Variants in BAG6 observed in about 807,000 individuals in gnomAD.
BAG6 encodes the protein large proline-rich protein BAG6.
In BAG6, 22 loss-of-function variants were observed where a neutral mutation model predicts 121.0. The ratio of observed to expected loss-of-function variants is 0.18; its 90% CI spans 0.13 to 0.26. BAG6 has a LOEUF of 0.26. Among genes scored for constraint, BAG6 ranks in the 10% least tolerant of loss-of-function variants. The pLI is 1.00. For missense variants in BAG6, 1,233 were observed against 1,537.7 expected (o/e 0.80, Z 3.31); for synonymous variants, 583 against 584.6 (o/e 1.00, Z 0.04).
At position 31,639,327 on chromosome 6, in the gene BAG6, C is replaced by G. The variant is rs142266492; in HGVS notation, c.3394-101G>C. ...CCTCAGAAGCTAACATTTCCCCCCC[C>G]AAGCACACTGTCAAATAGCCCGGGG... is the stretch of plus-strand genomic sequence containing the variant. On this transcript the variant is annotated intron_variant, in intron 25 of 25. Transcript: ENST00000676615. 447 of 1,452,666 alleles carry G rather than the reference C, an allele frequency of 3.1e-4. 1 individual carries two copies. In the African/African-American group the frequency reaches 3.9e-3, roughly 13 times the overall value. 90.0% of individuals were successfully genotyped at this position (1,452,666 alleles called of 1,614,324 possible).
rs1403305013 is a variant in BAG6 at position 31,644,265 on chromosome 6, G to T, written c.1555+42C>A. ...CCCTTGCCAGCCAGCTGCCACCATGGACTGTGCCCTACCTCCCAAGCCTCC... is the reference window on the plus strand; with the variant it reads ...CCCTTGCCAGCCAGCTGCCACCATGTACTGTGCCCTACCTCCCAAGCCTCC... On this transcript the variant is annotated intron_variant, in intron 12 of 25. Transcript: ENST00000676615. This position sits in a 1 kb window ranked among gnomAD's most constrained non-coding sequence, Gnocchi z 4.9. 3 of 1,560,932 alleles carry T rather than the reference G, an allele frequency of 1.9e-6. No individual in the cohort carries two copies. The Admixed American group carries it at 5.8e-5, about 30-fold the overall frequency.
In BAG6 at chr6:31,645,121, G is replaced by A; in HGVS notation, c.1194C>T (p.Pro398=). 1 of 1,613,068 alleles carries A rather than the reference G, an allele frequency of 6.2e-7. No homozygotes were observed. Among genetic ancestry groups the A allele is most frequent in the Non-Finnish European group, 8.5e-7 (1 of 1,180,022 alleles). Residue 398 remains proline, a synonymous_variant, in exon 10 of 26, where the codon CCC becomes CCT. Transcript: ENST00000676615. ...PPPTPNAEAP[P]PGPGQASSVA... is the part of the protein sequence containing the mutation. The stretch of plus-strand genomic sequence containing the variant: ...CGGATGAGGCCTGCCCAGGACCAGG[G>A]GGAGGTGCCTCTGCATTGGGAGTTG...
At position 31,642,211 on chromosome 6, in the gene BAG6, G is replaced by A. The variant is rs1405228289; in HGVS notation, c.2236C>T (p.Leu746=). Residue 746 remains leucine, a synonymous_variant, in exon 16 of 26, where the codon CTG becomes TTG. Coordinates refer to ENST00000676615, the MANE Select transcript of BAG6 (RefSeq NM_001387994.1). ...TCACTGCTGCCAGCCCGAGCCCCCA[G>A]GGAGCCCAGCAGGGAGCTGAGCACA... is the stretch of plus-strand genomic sequence containing the variant. ...QGVLSSLLGS[L]GARAGSSESI... The A allele has an allele frequency of 6.2e-7, 1 of 1,612,884 alleles. No homozygotes were observed. Among genetic ancestry groups the A allele is most frequent in the Admixed American group, 1.7e-5 (1 of 60,010 alleles).
rs762921548 is a variant in BAG6 at position 31,651,731 on chromosome 6, C to T, written c.33G>A (p.Val11=). 1.2e-6 allele frequency: 2 copies of T among 1,613,028 alleles called. No homozygotes were observed. The highest frequency in any genetic ancestry group is 2.2e-5 in the South Asian group (2 of 91,086). ...ACACCTCCAAGCTGTCAGGCTCCTC[C>T]ACAGCGGTACTGGTACTATCATTAG... MEPNDSTSTA[V]EEPDSLEVLV... Residue 11 remains valine (V), a synonymous_variant, in exon 2 of 26, where the codon GTG becomes GTA. Coordinates refer to ENST00000676615, the MANE Select transcript of BAG6 (RefSeq NM_001387994.1).
chr6:31,642,526 C>G (rs866126445), intron 15 of BAG6, 123 bp from the exon 16 acceptor site: 5 of 639,872 alleles, frequency 7.8e-6, no homozygotes, highest in African/African-American at 5.5e-5. Flanking sequence ...ACATTCTGAT[C>G]TTCACTGCTT....
chr6:31,641,375 C>A lies in BAG6; in HGVS notation c.2607G>T (p.Leu869=). 1 of 1,614,248 alleles carries A rather than the reference C, an allele frequency of 6.2e-7. No homozygotes were observed. Among genetic ancestry groups the A allele is most frequent in the South Asian group, 1.1e-5 (1 of 91,088 alleles). Reference sequence around the variant, plus strand: ...TATTAAACTGCTCTTGGAGAAATTCCAGGTTTGTCCGGATGATGTCCACAC... The same window carrying A: ...TATTAAACTGCTCTTGGAGAAATTCAAGGTTTGTCCGGATGATGTCCACAC... The part of the protein sequence containing the change: ...QPGVDIIRTN[L]EFLQEQFNSI... The change falls in exon 19 of 26, where the codon CTG becomes CTT. Residue 869 remains leucine (L), a synonymous_variant. Coordinates refer to ENST00000676615, the MANE Select transcript of BAG6 (RefSeq NM_001387994.1). The surrounding 1 kb of genome is among the most constrained non-coding windows in gnomAD (Gnocchi z 5.7).
chr6:31,646,519 G>A lies in BAG6; in HGVS notation c.793C>T (p.Pro265Ser), dbSNP rs779831144. ...ACCTCGACATACTCCGCAGGGGAAG[G>A]ATGGCTGTGGACAAACCCAAGGGGC... is the stretch of plus-strand genomic sequence containing the variant. The part of the protein sequence containing the change: ...PAPETNAPNH[P>S]SPAEYVEVLQ... Residue 265 changes from proline to serine, a missense_variant, in exon 8 of 26, where the codon CCT becomes TCT. Pro to Ser is a moderately conservative substitution (Grantham distance 74). Around this residue, in one of 7 missense-constraint regions of BAG6, gnomAD observed 777 missense variants for 861.4 expected, o/e 0.90. Coordinates refer to ENST00000676615, the MANE Select transcript of BAG6 (RefSeq NM_001387994.1). The A allele has an allele frequency of 1.2e-6, 2 of 1,612,396 alleles. No homozygotes were observed. The highest frequency in any genetic ancestry group is 2.7e-5 in the African/African-American group (2 of 74,876).
chr6:31,643,254 GAAAA>G, intron 14 of BAG6, 139 bp from the exon 15 acceptor site: 2 of 612,794 alleles, frequency 3.3e-6, no homozygotes, highest in Non-Finnish European at 5.0e-6. Context: ...ATCTCTACCA[GAAAA>G]AAAAAAAGAC....
In BAG6 at chr6:31,649,258, C is replaced by T. The variant is rs1793659499; in HGVS notation, c.364G>A (p.Ala122Thr). Residue 122 changes from alanine to threonine, a missense_variant, in exon 4 of 26, where the codon GCC (alanine) becomes ACC (threonine). Ala to Thr is a moderately conservative substitution (Grantham distance 58). Around this residue, in one of 7 missense-constraint regions of BAG6, gnomAD observed 777 missense variants for 861.4 expected, o/e 0.90. Coordinates refer to ENST00000676615, the MANE Select transcript of BAG6 (RefSeq NM_001387994.1). ...GSPPGTRGPG[A>T]SVHDRNANSY... The stretch of plus-strand genomic sequence containing the variant: ...TTGGCATTCCGGTCATGAACAGAGG[C>T]CCCAGGCCCCCGAGTACCAGGGGGG... 1.2e-6 allele frequency: 2 copies of T among 1,612,936 alleles called. No homozygotes were observed. Among genetic ancestry groups the T allele is most frequent in the African/African-American group, 1.3e-5 (1 of 74,920 alleles).
rs532815334 is a variant in BAG6, at chr6:31,645,800, C to A, written c.919-196G>T. The stretch of plus-strand genomic sequence containing the variant: ...ACATAAGGAACATCCTATTAAAACA[C>A]TACTATGAATCAGTAAGTCATCATA... On this transcript the variant is annotated intron_variant, in intron 8 of 25. Transcript: ENST00000676615. Among the ~76,000 whole-genome samples, 4 of 152,324 alleles carry A rather than the reference C, an allele frequency of 2.6e-5. No individual in the cohort carries two copies. In the East Asian group the frequency reaches 7.7e-4, roughly 29 times the overall value.
Position 31,647,711 on chromosome 6 carries a change from G to A in BAG6, c.668C>T (p.Pro223Leu), listed in dbSNP as rs746542733. The change falls in exon 7 of 26, where the codon CCT becomes CTT. Residue 223 changes from proline to leucine, a missense_variant. Physicochemically the swap from Pro to Leu is moderately conservative, Grantham distance 98 (BLOSUM62 -3). This residue lies in a region of BAG6 where 777 missense variants were observed against 861.4 expected (regional missense o/e 0.90). Coordinates refer to ENST00000676615, the MANE Select transcript of BAG6 (RefSeq NM_001387994.1). Reference protein sequence around the residue: ...QTSEPVESEAPPREPMEAEEV... With the variant: ...QTSEPVESEALPREPMEAEEV... Reference sequence around the variant, plus strand: ...TTCTGCCTCCATGGGCTCCCGGGGAGGTGCTTCACTTTCAACTGGTTCTGA... The same window carrying A: ...TTCTGCCTCCATGGGCTCCCGGGGAAGTGCTTCACTTTCAACTGGTTCTGA... 5 of 1,603,442 alleles carry A rather than the reference G, an allele frequency of 3.1e-6. No individual in the cohort carries two copies. The highest frequency in any genetic ancestry group is 4.2e-6 in the Non-Finnish European group (5 of 1,176,492).
Position 31,641,529 on chromosome 6 carries a change from G to C in BAG6, c.2559+10C>G, listed in dbSNP as rs775229881. ...CCAGGAGAGGAAAGGAATAGAGAAGGGTTACTCACAAAACTCTCCCGCACA... is the reference window on the plus strand; with the variant it reads ...CCAGGAGAGGAAAGGAATAGAGAAGCGTTACTCACAAAACTCTCCCGCACA... On this transcript the variant is annotated intron_variant, in intron 18 of 25. Transcript: ENST00000676615. The surrounding 1 kb of genome is among the most constrained non-coding windows in gnomAD (Gnocchi z 5.7). 1.9e-6 allele frequency: 3 copies of C among 1,614,038 alleles called. No homozygotes were observed. Among genetic ancestry groups the C allele is most frequent in the East Asian group, 4.5e-5 (2 of 44,882 alleles).
chr6:31,652,344 CACACACACACA>C (rs1798089771), intron 1 of BAG6, 69 bp downstream of exon 1: 1 of 151,922 alleles, frequency 6.6e-6, no homozygotes. Flanking sequence ...CACACACACA[CACACACACACA>C]CACACCCACC....
chr6:31,645,975 ATGTG>A (rs1788736148), intron 8 of BAG6, among the ~76,000 whole-genome samples: 1 of 152,074 alleles, frequency 6.6e-6, no homozygotes, highest in Non-Finnish European at 1.5e-5. Context: ...TTTTGTTGCA[ATGTG>A]TGTTTTTTTG....
chr6:31,641,351 A>G lies in BAG6; in HGVS notation c.2631T>C (p.Asn877=). The part of the protein sequence containing the change: ...TNLEFLQEQF[N]SIAAHVLHCT... ...AATGCAGCACATGCGCAGCAATGCT[A>G]TTAAACTGCTCTTGGAGAAATTCCA... The change falls in exon 19 of 26, where the codon AAT becomes AAC. Residue 877 remains asparagine, a synonymous_variant. Coordinates refer to ENST00000676615, the MANE Select transcript of BAG6 (RefSeq NM_001387994.1). The surrounding 1 kb of genome is among the most constrained non-coding windows in gnomAD (Gnocchi z 5.7). 4 of 1,614,260 alleles carry G rather than the reference A, an allele frequency of 2.5e-6. No homozygotes were observed. Among genetic ancestry groups the G allele is most frequent in the Non-Finnish European group, 3.4e-6 (4 of 1,180,054 alleles).
At chr6:31,648,329 T>C (rs1178787071) in intron 6 of BAG6, among the ~76,000 whole-genome samples, 1 of 152,192 alleles carries the variant, frequency 6.6e-6, no homozygotes, top group African/African-American at 2.4e-5. Context: ...GCATCTGTAA[T>C]ATTTGTAAAT....
chr6:31,647,545 T>C, intron 7 of BAG6, 46 bp downstream of exon 7: 1 of 1,604,180 alleles, frequency 6.2e-7, no homozygotes, highest in Non-Finnish European at 8.5e-7. Context: ...CTCCCCATAC[T>C]TCACTTAGGA....
chr6:31,641,974 G>A lies in BAG6; in HGVS notation c.2336-29C>T, dbSNP rs1270707531. The A allele has an allele frequency of 6.2e-7, 1 of 1,609,710 alleles. No homozygotes were observed. The highest frequency in any genetic ancestry group is 2.2e-5 in the East Asian group (1 of 44,824). On this transcript the variant is annotated intron_variant, in intron 16 of 25. Transcript: ENST00000676615. The surrounding 1 kb of genome is among the most constrained non-coding windows in gnomAD (Gnocchi z 5.7). ...GGGGACAAGGGCAGATGTTAGCAAT[G>A]GCCTTTACCACCTGGCCTGCCCACC...
chr6:31,639,606 G>A lies in BAG6; in HGVS notation c.3287C>T (p.Ala1096Val). 1 of 1,613,786 alleles carries A rather than the reference G, an allele frequency of 6.2e-7. No individual in the cohort carries two copies. The highest frequency in any genetic ancestry group is 8.5e-7 in the Non-Finnish European group (1 of 1,179,772). ...GEGPQLLLSE[A>V]VSRAAKAAGA... ...GGCTGCCTTAGCTGCCCGGCTCACA[G>A]CCTCTGAGAGAAGCAGCTGGGGGCC... Residue 1096 changes from alanine (A) to valine (V), a missense_variant, in exon 25 of 26, where the codon GCT becomes GTT. Physicochemically the swap from Ala to Val is moderately conservative, Grantham distance 64. Around this residue, in one of 7 missense-constraint regions of BAG6, gnomAD observed 102 missense variants for 103.2 expected, o/e 0.99. Coordinates refer to ENST00000676615, the MANE Select transcript of BAG6 (RefSeq NM_001387994.1).
Sources: gnomAD v4.1 joint callset for allele counts (sites outside exome capture counted in the v4.1 genomes callset) on GRCh38, gnomAD v4.1.1 for gene constraint, gnomAD v4.1.1 regional missense constraint, Gnocchi (gnomAD v3.1) non-coding constraint, MANE v1.5 for transcripts, NCBI Gene and HGNC (gene_info 2026-07-23, HGNC 2026-07-21) for gene names.